The following ASAP1 variants were observed in gnomAD, a reference collection of about 807,000 sequenced individuals.
ASAP1 encodes ArfGAP with SH3 domain, ankyrin repeat and PH domain 1.
Under a neutral mutation model 145.2 loss-of-function variants are expected in ASAP1, and 43 were observed. That is an observed-to-expected ratio of 0.30 (90% CI 0.23 to 0.38). The LOEUF is 0.38. ASAP1 is among the 10% of genes least tolerant of loss of function. The pLI, the probability that ASAP1 is intolerant of heterozygous loss-of-function variation, is 1.00. For missense variants in ASAP1, 1,018 were observed against 1,355.3 expected (o/e 0.75, Z 3.91); for synonymous variants, 546 against 515.5 (o/e 1.06, Z -0.80).
chr8:130,174,445 A>C (rs1813812823), intron 9 of ASAP1, among the ~76,000 whole-genome samples: 1 of 152,000 alleles, frequency 6.6e-6, no homozygotes, highest in African/African-American at 2.4e-5. Context: ...AGATCTTCAA[A>C]AACCAGTAAC....
chr8:130,369,663 C>T (rs1039018784), intron 2 of ASAP1, among the ~76,000 whole-genome samples: 4 of 152,080 alleles, frequency 2.6e-5, no homozygotes, highest in African/African-American at 9.7e-5. Context: ...ATCAAAAACA[C>T]AATGAAATGC....
intron 27 of ASAP1, among the ~76,000 whole-genome samples, chr8:130,070,140 CA>C (rs778574819): frequency 6.6e-6 from 1 of 152,208 alleles, no homozygotes; most frequent in African/African-American, 2.4e-5. Flanking sequence ...GGGTTCACGC[CA>C]TTCTCCTGCC....
At chr8:130,127,366 G>A (rs534065056) in intron 16 of ASAP1, among the ~76,000 whole-genome samples, 24 of 152,080 alleles carry the variant, frequency 1.6e-4, no homozygotes, top group Non-Finnish European at 2.6e-4. Flanking sequence ...ACAGGTGCCC[G>A]CCACCTCGCC....
intron 2 of ASAP1, chr8:130,361,666 TCACC>T: frequency 6.6e-7 from 1 of 1,522,544 alleles, no homozygotes; most frequent in Non-Finnish European, 8.8e-7. Flanking sequence ...ACACCTCTAC[TCACC>T]ATTTCTGGGC....
At chr8:130,222,056 G>A (rs766946219) in intron 4 of ASAP1, among the ~76,000 whole-genome samples, 4 of 152,164 alleles carry the variant, frequency 2.6e-5, no homozygotes, top group African/African-American at 7.2e-5. Context: ...CTTTTACCCC[G>A]TGGACAGGAA....
Position 130,394,698 on chromosome 8 carries a change from G to A in ASAP1, c.59+7187C>T, listed in dbSNP as rs566427738. Among the ~76,000 whole-genome samples the A allele has an allele frequency of 2.9e-3, 446 of 152,222 alleles. 3 individuals carry two copies. Among genetic ancestry groups the A allele is most frequent in the African/African-American group, 0.01 (433 of 41,516 alleles). ...CCTACCTACATGTGATGTCTCCCCAGGACACCCAGCTTTAAAATTTCTCTC... is the reference window on the plus strand; with the variant it reads ...CCTACCTACATGTGATGTCTCCCCAAGACACCCAGCTTTAAAATTTCTCTC... On this transcript the variant is annotated intron_variant, in intron 2 of 29. Coordinates refer to ENST00000518721, the MANE Select transcript of ASAP1 (RefSeq NM_018482.4).
chr8:130,321,900 TAA>T (rs1824030655), intron 3 of ASAP1, among the ~76,000 whole-genome samples: 1 of 152,194 alleles, frequency 6.6e-6, no homozygotes, highest in African/African-American at 2.4e-5. Flanking sequence ...TAAAATGAAA[TAA>T]GTGTGCAAGT....
chr8:130,162,774 C>T (rs994295986), intron 11 of ASAP1, among the ~76,000 whole-genome samples: 2 of 150,862 alleles, frequency 1.3e-5, no homozygotes, highest in South Asian at 4.2e-4. Flanking sequence ...ACCGAGATTG[C>T]GCCACTGCAC....
rs534590851 is a variant in ASAP1 at position 130,141,479 on chromosome 8, C to T, written c.1081-4441G>A. 2.4e-3 allele frequency among the ~76,000 whole-genome samples: 369 copies of T among 152,264 alleles called. 2 individuals carry two copies. The highest frequency in any genetic ancestry group is 6.8e-3 in the South Asian group (33 of 4,818). On this transcript the variant is annotated intron_variant, in intron 13 of 29. Coordinates refer to ENST00000518721, the MANE Select transcript of ASAP1 (RefSeq NM_018482.4). ...GCCTGACCACCTCCCCATGATGTTCCATTTTTGTACACCCTGCTGTATTTT... is the reference window on the plus strand; with the variant it reads ...GCCTGACCACCTCCCCATGATGTTCTATTTTTGTACACCCTGCTGTATTTT...
intron 25 of ASAP1, chr8:130,083,436 C>G (rs1426319206): frequency 6.6e-6 from 1 of 152,132 alleles, no homozygotes; most frequent in Non-Finnish European, 1.5e-5. Context: ...AGCTTCTTAC[C>G]AGGAGTGGTT....
intron 4 of ASAP1, among the ~76,000 whole-genome samples, chr8:130,215,064 C>G (rs1378267221): frequency 6.6e-6 from 1 of 152,020 alleles, no homozygotes; most frequent in South Asian, 2.1e-4. Context: ...CCATGCCCGG[C>G]TAATTTTTTG....
chr8:130,064,314 G>A (rs560447564), intron 27 of ASAP1, among the ~76,000 whole-genome samples: 60 of 152,210 alleles, frequency 3.9e-4, no homozygotes, highest in African/African-American at 1.4e-3. Flanking sequence ...GATGTGGAAG[G>A]GGGAAGAAAC....
intron 24 of ASAP1, among the ~76,000 whole-genome samples, chr8:130,095,979 T>G (rs2097516921): frequency 6.6e-6 from 1 of 151,966 alleles, no homozygotes; most frequent in African/African-American, 2.4e-5. Context: ...CAGAAACAAG[T>G]GGGGAGAATT....
Position 130,133,447 on chromosome 8 carries a change from G to A in ASAP1, c.1217+849C>T, listed in dbSNP as rs541262341. Reference sequence around the variant, plus strand: ...CGAGGCGGGTGGATCATGAGGTCAGGAGATCGAGACCATCCTGGCTAACAA... The same window carrying A: ...CGAGGCGGGTGGATCATGAGGTCAGAAGATCGAGACCATCCTGGCTAACAA... On this transcript the variant is annotated intron_variant, in intron 15 of 29. Transcript: ENST00000518721. Among the ~76,000 whole-genome samples the A allele has an allele frequency of 4.5e-4, 69 of 151,988 alleles. 1 individual carries two copies. The highest frequency in any genetic ancestry group is 9.1e-4 in the Non-Finnish European group (62 of 67,950).
chr8:130,244,648 T>C (rs1565129391), intron 3 of ASAP1, among the ~76,000 whole-genome samples: 1 of 152,148 alleles, frequency 6.6e-6, no homozygotes, highest in South Asian at 2.1e-4. Flanking sequence ...GAGTGAAACA[T>C]AGCCTGTCTG....
At chr8:130,385,184 G>C (rs1827954421) in intron 2 of ASAP1, among the ~76,000 whole-genome samples, 1 of 152,212 alleles carries the variant, frequency 6.6e-6, no homozygotes, top group Admixed American at 6.5e-5. Context: ...AGCCAAGGCA[G>C]GCCGGGTGTG....
intron 2 of ASAP1, among the ~76,000 whole-genome samples, chr8:130,385,434 G>T (rs115621139): frequency 1.3e-5 from 2 of 152,218 alleles, no homozygotes; most frequent in African/African-American, 4.8e-5. Flanking sequence ...GGCCTTGTGA[G>T]GCCCAAAGCC....
intron 2 of ASAP1, among the ~76,000 whole-genome samples, chr8:130,380,886 T>A (rs373611327): frequency 6.6e-6 from 1 of 151,922 alleles, no homozygotes; most frequent in African/African-American, 2.4e-5. Flanking sequence ...CCTGGCTACT[T>A]TATTTATTTA....
At chr8:130,310,549 GA>G (rs1263525327) in intron 3 of ASAP1, among the ~76,000 whole-genome samples, 1 of 152,166 alleles carries the variant, frequency 6.6e-6, no homozygotes, top group Non-Finnish European at 1.5e-5. Context: ...TAACTAGACA[GA>G]AGGCTCAGAG....
Sources: allele counts gnomAD v4.1 joint callset (sites outside exome capture counted in the v4.1 genomes callset), GRCh38; gene constraint gnomAD v4.1.1; transcripts MANE v1.5; gene names NCBI Gene and HGNC (gene_info 2026-07-23, HGNC 2026-07-21).